DNAH11: variants seen among roughly 807,000 people sequenced by gnomAD.
DNAH11 encodes the protein dynein axonemal heavy chain 11.
A neutral mutation model predicts 526.0 loss-of-function variants in DNAH11; 442 were observed. The observed-to-expected ratio is 0.84, with a 90% confidence interval of 0.78 to 0.91. The LOEUF (loss-of-function observed/expected upper bound fraction) is 0.91, where lower values mean the gene tolerates loss of function less well. Ranked by LOEUF, DNAH11 falls within the 40% of genes least tolerant of loss-of-function variation. The probability of loss-of-function intolerance (pLI) is 0.00; values close to 1 mark genes in which losing one functional copy is unlikely to be tolerated. For missense variants in DNAH11, 6,989 were observed against 5,448.7 expected, an observed-to-expected ratio of 1.28 and a Z score of -8.90; for synonymous variants, 2,461 against 1,935.9, an observed-to-expected ratio of 1.27 and a Z score of -7.12.
chr7:21,605,884 G>A (rs1228136414), intron 18 of DNAH11, among the ~76,000 whole-genome samples: 2 of 152,128 alleles, frequency 1.3e-5, no homozygotes, highest in East Asian at 3.9e-4. Context: ...AACAATTCTG[G>A]TACATGCTTT....
At chr7:21,759,512 G>C (rs1289445109) in intron 54 of DNAH11, among the ~76,000 whole-genome samples, 2 of 152,184 alleles carry the variant, frequency 1.3e-5, no homozygotes, top group Admixed American at 6.5e-5. Context: ...ACCTGGGAAG[G>C]TTTTCTGCAC....
chr7:21,839,178 C>T (rs1023701159), intron 65 of DNAH11, among the ~76,000 whole-genome samples: 1 of 152,100 alleles, frequency 6.6e-6, no homozygotes, highest in African/African-American at 2.4e-5. Flanking sequence ...ACCCATCTTT[C>T]ACTTGTACAG....
At position 21,825,317 on chromosome 7, in the gene DNAH11, A is replaced by G. The variant is rs76452991; in HGVS notation, c.10691+6978A>G. Among the ~76,000 whole-genome samples the G allele has an allele frequency of 4.1e-3, 626 of 152,390 alleles. 7 individuals carry two copies. The highest frequency in any genetic ancestry group is 0.014 in the African/African-American group (578 of 41,588). ...ACTGAATATTCATGTATACATCTAC[A>G]GGTACACACATTCATGCATACAACT... On this transcript the variant is annotated intron_variant, in intron 65 of 81. Transcript: ENST00000409508.
At chr7:21,655,773 T>G in intron 28 of DNAH11, 59 bp from the exon 29 acceptor site, 2 of 1,518,800 alleles carry the variant, frequency 1.3e-6, no homozygotes, top group Non-Finnish European at 1.8e-6. Flanking sequence ...CATCTCTAGA[T>G]TATCAGAATA....
chr7:21,576,136 G>A (rs76754848), intron 8 of DNAH11, among the ~76,000 whole-genome samples: 4,168 of 151,986 alleles, frequency 0.027, 207 homozygotes, highest in African/African-American at 0.094. Flanking sequence ...ACCTGCCAGC[G>A]ATGGAGATTG....
chr7:21,655,768 C>T (rs759294121), intron 28 of DNAH11, 64 bp from the exon 29 acceptor site: 16 of 1,501,686 alleles, frequency 1.1e-5, no homozygotes, highest in Non-Finnish European at 1.4e-5. Flanking sequence ...GGCATCATCT[C>T]TAGATTATCA....
Position 21,564,295 on chromosome 7 carries a change from AT to A in DNAH11, c.1095del (p.His366IlefsTer5). On this transcript the variant is annotated frameshift_variant, in exon 6 of 82. Transcript: ENST00000409508. LOFTEE classifies it high-confidence loss of function. ...AGACACGCATATTAATCGCTCCATT[AT>A]TTCATACCATCTGTCTGATCTGGAG... is the stretch of plus-strand genomic sequence containing the variant. ...PQTRILIAPL[F>X]HTICLIWSHS... The A allele has an allele frequency of 6.2e-7, 1 of 1,613,658 alleles. No homozygotes were observed. Among genetic ancestry groups the A allele is most frequent in the Non-Finnish European group, 8.5e-7 (1 of 1,179,758 alleles).
intron 74 of DNAH11, among the ~76,000 whole-genome samples, chr7:21,876,411 G>T (rs1583801754): frequency 1.3e-5 from 2 of 152,358 alleles, no homozygotes; most frequent in African/African-American, 4.8e-5. Context: ...ACAAAATGCA[G>T]TTTTTAATCA....
intron 30 of DNAH11, among the ~76,000 whole-genome samples, chr7:21,673,954 G>A (rs1395169214): frequency 6.6e-6 from 1 of 151,094 alleles, no homozygotes; most frequent in South Asian, 2.1e-4. Flanking sequence ...TTGGGCTGCT[G>A]TTTACTTCAC....
intron 8 of DNAH11, among the ~76,000 whole-genome samples, chr7:21,573,518 ATG>A (rs1783972780): frequency 6.6e-6 from 1 of 152,184 alleles, no homozygotes. Context: ...TTTTAAAAAA[ATG>A]TGTTTTGCCT....
At chr7:21,595,913 G>A (rs949386277) in intron 14 of DNAH11, among the ~76,000 whole-genome samples, 2 of 152,244 alleles carry the variant, frequency 1.3e-5, no homozygotes, top group African/African-American at 4.8e-5. Flanking sequence ...TGCAGAAAAG[G>A]AAAGGCTGAG....
At chr7:21,722,251 G>A (rs1277897222) in intron 44 of DNAH11, among the ~76,000 whole-genome samples, 11 of 152,272 alleles carry the variant, frequency 7.2e-5, no homozygotes, top group African/African-American at 2.4e-4. Context: ...ACGCTGATGG[G>A]AAATGGCAAC....
chr7:21,679,529 A>G (rs748562101), intron 30 of DNAH11, among the ~76,000 whole-genome samples: 24 of 152,312 alleles, frequency 1.6e-4, no homozygotes, highest in Admixed American at 3.9e-4. Flanking sequence ...TCATACCTCA[A>G]TAAAGCCCAG....
In DNAH11 at chr7:21,868,845, G is replaced by T; in HGVS notation, c.11840-19G>T. Reference sequence around the variant, plus strand: ...TCCTTCATAGACATTTCCTCTCACCGTGGTGTATTCTCCCACAGGCAAAAG... The same window carrying T: ...TCCTTCATAGACATTTCCTCTCACCTTGGTGTATTCTCCCACAGGCAAAAG... On this transcript the variant is annotated intron_variant, in intron 72 of 81. Transcript: ENST00000409508. 1.9e-6 allele frequency: 3 copies of T among 1,613,658 alleles called. No individual in the cohort carries two copies. The highest frequency in any genetic ancestry group is 2.5e-6 in the Non-Finnish European group (3 of 1,179,746).
chr7:21,663,199 T>C, intron 30 of DNAH11, among the ~76,000 whole-genome samples: 1 of 152,114 alleles, frequency 6.6e-6, no homozygotes, highest in South Asian at 2.1e-4. Flanking sequence ...TATATATATG[T>C]CACATTTTCT....
intron 68 of DNAH11, among the ~76,000 whole-genome samples, chr7:21,858,943 C>T (rs1782956223): frequency 6.6e-6 from 1 of 152,148 alleles, no homozygotes; most frequent in Non-Finnish European, 1.5e-5. Flanking sequence ...AATCCAAAAA[C>T]CAGAATGCTC....
In DNAH11 at chr7:21,745,035, G is replaced by C. The variant is rs1343903296; in HGVS notation, c.8482G>C (p.Val2828Leu). Residue 2828 changes from valine (V) to leucine (L), a missense_variant, in exon 51 of 82, where the codon GTT becomes CTT. Transcript: ENST00000409508. ...YNELNAAMHL[V>L]LFEDAMQHVC... Reference sequence around the variant, plus strand: ...TGAACTAAATGCTGCCATGCACCTAGTTTTGTTTGAAGATGCCATGCAACA... The same window carrying C: ...TGAACTAAATGCTGCCATGCACCTACTTTTGTTTGAAGATGCCATGCAACA... 1.2e-6 allele frequency: 2 copies of C among 1,609,068 alleles called. No homozygotes were observed. Among genetic ancestry groups the C allele is most frequent in the African/African-American group, 2.7e-5 (2 of 74,870 alleles).
chr7:21,702,083 G>A (rs1244624417), intron 36 of DNAH11, among the ~76,000 whole-genome samples: 1 of 152,156 alleles, frequency 6.6e-6, no homozygotes, highest in African/African-American at 2.4e-5. Context: ...TGGTCCCAGG[G>A]AGCATGGAGT....
intron 25 of DNAH11, among the ~76,000 whole-genome samples, chr7:21,634,896 A>C (rs147192080): frequency 1.3e-5 from 2 of 152,252 alleles, no homozygotes; most frequent in African/African-American, 4.8e-5. Context: ...GCTGTGTGAT[A>C]GAAGCGTTTC....
Sources: allele counts gnomAD v4.1 joint callset (sites outside exome capture counted in the v4.1 genomes callset), GRCh38; gene constraint gnomAD v4.1.1; transcripts MANE v1.5; gene names NCBI Gene and HGNC (gene_info 2026-07-23, HGNC 2026-07-21).